The following ORC5 variants were observed in gnomAD, a reference collection of about 807,000 sequenced individuals.
ORC5 encodes the protein origin recognition complex subunit 5, also known as protein phosphatase 1, regulatory subunit 117.
A neutral mutation model predicts 58.8 loss-of-function variants in ORC5; 39 were observed. That is an observed-to-expected ratio of 0.66 (90% CI 0.51 to 0.87). The LOEUF (loss-of-function observed/expected upper bound fraction) is 0.87. ORC5 is among the 40% of genes least tolerant of loss of function. The pLI, the probability that ORC5 is intolerant of heterozygous loss-of-function variation, is 0.00. For synonymous variants in ORC5, 218 were observed against 177.6 expected (o/e 1.23, Z -1.81); for missense variants, 493 against 506.3 (o/e 0.97, Z 0.25).
Position 104,200,830 on chromosome 7 carries a change from T to C in ORC5, c.294A>G (p.Thr98=), listed in dbSNP as rs751067697. 6.2e-7 allele frequency: 1 copy of C among 1,613,330 alleles called. No homozygotes were observed. The highest frequency in any genetic ancestry group is 8.5e-7 in the Non-Finnish European group (1 of 1,179,270). ...DGCSTEITCE[T]FNDFVRLFKQ... ...TAAACAAGCGAACAAAGTCATTAAA[T>C]GTTTCACAGGTTATTTCAGTAGAAC... is the stretch of plus-strand genomic sequence containing the variant. The change falls in exon 3 of 14, where the codon ACA becomes ACG. Residue 98 remains threonine (T), a synonymous_variant. Transcript: ENST00000297431.
At chr7:104,151,670 G>C (rs147489980) in intron 12 of ORC5, among the ~76,000 whole-genome samples, 1 of 152,312 alleles carries the variant, frequency 6.6e-6, no homozygotes, top group Non-Finnish European at 1.5e-5. Context: ...ACCAGTGTCT[G>C]ACATATATGG....
chr7:104,190,706 G>C (rs1021700741), intron 5 of ORC5, among the ~76,000 whole-genome samples: 1 of 151,820 alleles, frequency 6.6e-6, no homozygotes, highest in Admixed American at 6.6e-5. Context: ...AGACTTCTTA[G>C]TTAAGAGCTC....
At chr7:104,130,055 T>C (rs1798490134) in intron 13 of ORC5, among the ~76,000 whole-genome samples, 1 of 152,140 alleles carries the variant, frequency 6.6e-6, no homozygotes, top group Non-Finnish European at 1.5e-5. Context: ...AGTTTGAGAT[T>C]TTTTTAATTT....
intron 12 of ORC5, among the ~76,000 whole-genome samples, chr7:104,156,804 A>AT (rs1224690494): frequency 2.0e-5 from 3 of 151,966 alleles, no homozygotes; most frequent in Non-Finnish European, 2.9e-5. Context: ...TTTTCATAAA[A>AT]GTGTAAATAC....
intron 12 of ORC5, among the ~76,000 whole-genome samples, chr7:104,158,687 C>G (rs1469458057): frequency 2.0e-5 from 3 of 151,880 alleles, no homozygotes; most frequent in Admixed American, 6.6e-5. Flanking sequence ...AGACACTTCT[C>G]AAAAGAAGAC....
At chr7:104,143,359 A>G (rs1232610662) in intron 12 of ORC5, among the ~76,000 whole-genome samples, 1 of 152,208 alleles carries the variant, frequency 6.6e-6, no homozygotes, top group African/African-American at 2.4e-5. Context: ...TAGTTAAGTT[A>G]GGGTCTCAAG....
At chr7:104,156,916 G>T (rs1003277874) in intron 12 of ORC5, among the ~76,000 whole-genome samples, 12 of 151,924 alleles carry the variant, frequency 7.9e-5, no homozygotes, top group African/African-American at 2.9e-4. Flanking sequence ...AGTATTAACA[G>T]GTAAAAGGTC....
At chr7:104,206,349 A>G (rs979504842) in intron 1 of ORC5, among the ~76,000 whole-genome samples, 1 of 152,196 alleles carries the variant, frequency 6.6e-6, no homozygotes, top group African/African-American at 2.4e-5. Context: ...GAAAACTGAT[A>G]TTAAAATATT....
At chr7:104,180,223 T>A (rs1799405790) in intron 8 of ORC5, among the ~76,000 whole-genome samples, 1 of 152,222 alleles carries the variant, frequency 6.6e-6, no homozygotes, top group Non-Finnish European at 1.5e-5. Context: ...GGGTTCAACT[T>A]CCAGGTTATC....
At chr7:104,169,244 A>G (rs1295196269) in intron 8 of ORC5, among the ~76,000 whole-genome samples, 1 of 152,206 alleles carries the variant, frequency 6.6e-6, no homozygotes, top group East Asian at 1.9e-4. Flanking sequence ...AGGCTCAAAG[A>G]TTAAGTCACC....
intron 6 of ORC5, among the ~76,000 whole-genome samples, chr7:104,185,899 C>T (rs531743401): frequency 1.3e-5 from 2 of 151,858 alleles, no homozygotes; most frequent in African/African-American, 2.4e-5. Context: ...TAACATATAA[C>T]TAGATAACAG....
chr7:104,167,252 A>G (rs909322027), intron 9 of ORC5, among the ~76,000 whole-genome samples: 1 of 152,158 alleles, frequency 6.6e-6, no homozygotes, highest in Admixed American at 6.5e-5. Context: ...GATGCCTTAT[A>G]TTAACAGTTA....
intron 12 of ORC5, among the ~76,000 whole-genome samples, chr7:104,160,191 GATTAT>G (rs1377687229): frequency 1.3e-5 from 2 of 152,058 alleles, no homozygotes; most frequent in Non-Finnish European, 2.9e-5. Flanking sequence ...AGAAAATTGA[GATTAT>G]ATTTGTTACT....
In ORC5 at chr7:104,166,867, G is replaced by A. The variant is rs559377877; in HGVS notation, c.895C>T (p.His299Tyr). 184 of 1,604,292 alleles carry A rather than the reference G, an allele frequency of 1.1e-4. No homozygotes were observed. The highest frequency in any genetic ancestry group is 1.5e-4 in the Non-Finnish European group (177 of 1,171,806). ...TTAGAGTAATATGGAAGTTCCACATGAGTATGCGCTGAGAGGCCTATATAA... is the reference window on the plus strand; with the variant it reads ...TTAGAGTAATATGGAAGTTCCACATAAGTATGCGCTGAGAGGCCTATATAA... The part of the protein sequence containing the change: ...GQLKGLSAHT[H>Y]VELPYYSKFI... The change falls in exon 10 of 14, where the codon CAT (histidine) becomes TAT (tyrosine). Residue 299 changes from histidine (H) to tyrosine (Y), a missense_variant. His to Tyr is a moderately conservative substitution (Grantham distance 83). Coordinates refer to ENST00000297431, the MANE Select transcript of ORC5 (RefSeq NM_002553.4).
intron 2 of ORC5, chr7:104,202,307 T>C (rs1197189828): frequency 9.3e-6 from 2 of 214,638 alleles, no homozygotes; most frequent in African/African-American, 4.6e-5. Context: ...AGTGATTTTA[T>C]AAACTTTATC....
intron 8 of ORC5, among the ~76,000 whole-genome samples, chr7:104,173,905 C>G (rs543087312): frequency 2.2e-5 from 3 of 134,924 alleles, no homozygotes; most frequent in African/African-American, 8.2e-5. Flanking sequence ...AGTGCAGTGG[C>G]GGGATCTCGG....
rs186048543 is a variant in ORC5 at position 104,197,149 on chromosome 7, T to A, written c.441+576A>T. 9.3e-4 allele frequency among the ~76,000 whole-genome samples: 141 copies of A among 152,130 alleles called. 1 individual carries two copies. Among genetic ancestry groups the A allele is most frequent in the African/African-American group, 3.3e-3 (137 of 41,494 alleles). ...TAAGTGCAACATATAATGAAACCAA[T>A]TTTTTTTCCTCAACAATGTTATAAT... On this transcript the variant is annotated intron_variant, in intron 4 of 13. Coordinates refer to ENST00000297431, the MANE Select transcript of ORC5 (RefSeq NM_002553.4).
At chr7:104,153,972 G>T (rs1798884582) in intron 12 of ORC5, among the ~76,000 whole-genome samples, 1 of 152,004 alleles carries the variant, frequency 6.6e-6, no homozygotes, top group Non-Finnish European at 1.5e-5. Flanking sequence ...TTAAGGTAAA[G>T]AAATTTTATC....
intron 5 of ORC5, among the ~76,000 whole-genome samples, chr7:104,194,443 A>G (rs866913403): frequency 2.6e-5 from 4 of 152,200 alleles, no homozygotes; most frequent in Admixed American, 6.5e-5. Context: ...TCATCTCTGT[A>G]TGACAGCCCA....
Sources: gnomAD v4.1 joint callset for allele counts (sites outside exome capture counted in the v4.1 genomes callset) on GRCh38, gnomAD v4.1.1 for gene constraint, MANE v1.5 for transcripts, NCBI Gene and HGNC (gene_info 2026-07-23, HGNC 2026-07-21) for gene names.